SYNPR: variants seen among roughly 807,000 people sequenced by gnomAD.
SYNPR encodes the protein synaptoporin.
Under a neutral mutation model 32.9 loss-of-function variants are expected in SYNPR, and 23 were observed. The ratio of observed to expected loss-of-function variants is 0.70; its 90% CI spans 0.50 to 0.99. The LOEUF (loss-of-function observed/expected upper bound fraction) is 0.99, where lower values mean the gene tolerates loss of function less well. Ranked by LOEUF, SYNPR falls within the 50% of genes least tolerant of loss-of-function variation. SYNPR has a pLI of 0.00. For missense variants in SYNPR, 318 were observed against 349.3 expected (o/e 0.91, Z 0.71); for synonymous variants, 146 against 135.9 (o/e 1.07, Z -0.52).
At chr3:63,279,936 T>C (rs2086612776) in intron 2 of SYNPR, among the ~76,000 whole-genome samples, 1 of 152,258 alleles carries the variant, frequency 6.6e-6, no homozygotes, top group Non-Finnish European at 1.5e-5. Flanking sequence ...TGAAACTGTT[T>C]CCCTTACAGT....
intron 4 of SYNPR, among the ~76,000 whole-genome samples, chr3:63,598,965 C>T (rs1039282584): frequency 6.6e-6 from 1 of 152,174 alleles, no homozygotes; most frequent in African/African-American, 2.4e-5. Context: ...AAGTGTGAGC[C>T]ATTTACTTCT....
At chr3:63,341,959 C>A (rs1439614984) in intron 2 of SYNPR, among the ~76,000 whole-genome samples, 1 of 152,090 alleles carries the variant, frequency 6.6e-6, no homozygotes, top group African/African-American at 2.4e-5. Context: ...TAGATTTTCT[C>A]CTGTATTATC....
intron 2 of SYNPR, among the ~76,000 whole-genome samples, chr3:63,300,268 G>T (rs2086830146): frequency 6.6e-6 from 1 of 151,920 alleles, no homozygotes; most frequent in African/African-American, 2.4e-5. Context: ...ATTACTCAGG[G>T]TCCCCTTTTC....
At chr3:63,259,801 A>T (rs1163957939) in intron 2 of SYNPR, among the ~76,000 whole-genome samples, 1 of 152,204 alleles carries the variant, frequency 6.6e-6, no homozygotes, top group South Asian at 2.1e-4. Context: ...TTTGCCGATG[A>T]CATGATTGTA....
At chr3:63,246,217 T>C (rs2086289222) in intron 1 of SYNPR, among the ~76,000 whole-genome samples, 4 of 152,204 alleles carry the variant, frequency 2.6e-5, no homozygotes, top group East Asian at 1.9e-4. Context: ...CATAATTAAA[T>C]ATTCTTTTGT....
chr3:63,491,483 G>T lies in SYNPR; in HGVS notation c.209+10527G>T, dbSNP rs544200392. 1.9e-4 allele frequency among the ~76,000 whole-genome samples: 29 copies of T among 152,208 alleles called. No homozygotes were observed. The South Asian group carries it at 5.4e-3, about 28-fold the overall frequency. ...TGTTTGTATATGGCCCACAGGTGAA[G>T]AATGGCTTTTACACTTTTAAAGGTT... is the stretch of plus-strand genomic sequence containing the variant. On this transcript the variant is annotated intron_variant, in intron 3 of 5. Transcript: ENST00000478300.
intron 2 of SYNPR, among the ~76,000 whole-genome samples, chr3:63,306,570 T>C (rs75805728): frequency 0.011 from 1,685 of 151,874 alleles, 34 homozygotes; most frequent in African/African-American, 0.039. Flanking sequence ...AGTTTGTAGA[T>C]GGTCCATTAA....
intron 3 of SYNPR, among the ~76,000 whole-genome samples, chr3:63,513,725 A>G (rs1179897943): frequency 1.3e-5 from 2 of 152,162 alleles, no homozygotes; most frequent in East Asian, 3.8e-4. Context: ...GCATCAAAGA[A>G]CTTGAGTGGT....
rs749647285 is a variant in SYNPR at position 63,605,480 on chromosome 3, A to G, written c.409-3645A>G. Among the ~76,000 whole-genome samples the G allele has an allele frequency of 8.5e-5, 13 of 152,302 alleles. 1 individual carries two copies. The Middle Eastern group carries it at 0.01, about 120-fold the overall frequency. On this transcript the variant is annotated intron_variant, in intron 4 of 5. Transcript: ENST00000478300. Reference sequence around the variant, plus strand: ...ATTTCTACTTCAGTCTATCAGAAACATTTCCTCTTACAGCCATTCATTTCA... The same window carrying G: ...ATTTCTACTTCAGTCTATCAGAAACGTTTCCTCTTACAGCCATTCATTTCA...
chr3:63,577,627 A>G (rs1231982170), intron 4 of SYNPR, among the ~76,000 whole-genome samples: 2 of 152,156 alleles, frequency 1.3e-5, no homozygotes, highest in African/African-American at 4.8e-5. Context: ...GTATGAATGT[A>G]GGTATGTGTG....
chr3:63,325,133 A>G (rs2087152490), intron 2 of SYNPR, among the ~76,000 whole-genome samples: 1 of 152,092 alleles, frequency 6.6e-6, no homozygotes, highest in Admixed American at 6.6e-5. Flanking sequence ...ATTCTCTGCT[A>G]GTATAGTATT....
rs376734669 is a variant in SYNPR at position 63,255,083 on chromosome 3, T to A, written n.154+2497T>A. Reference sequence around the variant, plus strand: ...TGGTACTTTGTTATGGCAGCCCTTGTTGGTTTTTACCCACTGGGTGATAGT... The same window carrying A: ...TGGTACTTTGTTATGGCAGCCCTTGATGGTTTTTACCCACTGGGTGATAGT... On this transcript the variant is annotated intron_variant and non_coding_transcript_variant, in intron 2 of 4. Transcript: ENST00000478456. Among the ~76,000 whole-genome samples, 16 of 152,168 alleles carry A rather than the reference T, an allele frequency of 1.1e-4. No homozygotes were observed. The East Asian group carries it at 2.5e-3, about 24-fold the overall frequency.
At chr3:63,555,132 A>G (rs1466009043) in intron 3 of SYNPR, among the ~76,000 whole-genome samples, 2 of 151,980 alleles carry the variant, frequency 1.3e-5, no homozygotes, top group East Asian at 3.9e-4. Context: ...AGAATTTTCT[A>G]GACAGAAAAT....
At chr3:63,447,101 C>G (rs1043649350) in intron 2 of SYNPR, among the ~76,000 whole-genome samples, 1 of 152,060 alleles carries the variant, frequency 6.6e-6, no homozygotes, top group Non-Finnish European at 1.5e-5. Context: ...AAATTCAAAT[C>G]AATTTGCTTT....
At position 63,290,586 on chromosome 3, in the gene SYNPR, T is replaced by G. The variant is rs182948791; in HGVS notation, c.84+11844T>G. On this transcript the variant is annotated intron_variant, in intron 2 of 5. Coordinates refer to ENST00000478300, the MANE Select transcript of SYNPR (RefSeq NM_001130003.2). ...TATCTTTTTTTTTTAACAAAATCTT[T>G]ATTCACTGATCCGTTGTATAAAAAA... Among the ~76,000 whole-genome samples, 386 of 152,228 alleles carry G rather than the reference T, an allele frequency of 2.5e-3. 1 individual carries two copies. The highest frequency in any genetic ancestry group is 8.9e-3 in the African/African-American group (369 of 41,526).
intron 4 of SYNPR, among the ~76,000 whole-genome samples, chr3:63,581,561 A>C (rs1244639913): frequency 6.6e-6 from 1 of 152,110 alleles, no homozygotes; most frequent in Non-Finnish European, 1.5e-5. Flanking sequence ...CCATCTCATC[A>C]AAAAGCATAA....
Position 63,595,917 on chromosome 3 carries a change from AG to A in SYNPR, c.409-13207del, listed in dbSNP as rs1273759848. On this transcript the variant is annotated intron_variant, in intron 4 of 5. Coordinates refer to ENST00000478300, the MANE Select transcript of SYNPR (RefSeq NM_001130003.2). ...TTTATATATATAGTTATATATATAT[AG>A]TTTTATATATATATAGTTTTATATA... Among the ~76,000 whole-genome samples the A allele has an allele frequency of 1.7e-3, 160 of 92,252 alleles. 1 individual carries two copies. Among genetic ancestry groups the A allele is most frequent in the African/African-American group, 5.9e-3 (151 of 25,454 alleles). The allele number at this position is 92,252 out of a possible 152,430, so 60.5% of individuals were successfully genotyped here.
At chr3:63,243,238 A>C (rs1487618599) in intron 1 of SYNPR, among the ~76,000 whole-genome samples, 1 of 152,076 alleles carries the variant, frequency 6.6e-6, no homozygotes, top group Non-Finnish European at 1.5e-5. Flanking sequence ...AAATAGCACA[A>C]AGAAAAACAA....
In SYNPR at chr3:63,245,741, A is replaced by ATGTGTG. The variant is rs61623224; in HGVS notation, n.67-6737_67-6732dup. On this transcript the variant is annotated intron_variant and non_coding_transcript_variant, in intron 1 of 4. Transcript: ENST00000478456. ...TGTGTGTGTGTGTGTGTGTGTGTGTATGTGTGTGTGTGTGTGTGTGTGTGT... is the reference window on the plus strand; with the variant it reads ...TGTGTGTGTGTGTGTGTGTGTGTGTATGTGTGTGTGTGTGTGTGTGTGTGTGTGTGT... 4.6e-5 allele frequency among the ~76,000 whole-genome samples: 4 copies of ATGTGTG among 86,990 alleles called. No homozygotes were observed. The East Asian group carries it at 8.4e-4, about 18-fold the overall frequency. The allele number at this position is 86,990 out of a possible 152,430, so 57.1% of individuals were successfully genotyped here.
Sources: gnomAD v4.1 joint callset for allele counts (sites outside exome capture counted in the v4.1 genomes callset) on GRCh38, gnomAD v4.1.1 for gene constraint, MANE v1.5 for transcripts, NCBI Gene and HGNC (gene_info 2026-07-23, HGNC 2026-07-21) for gene names.